Variants in PRORP observed in about 807,000 individuals in gnomAD.
PRORP encodes the protein mitochondrial ribonuclease P catalytic subunit.
A neutral mutation model predicts 59.4 loss-of-function variants in PRORP; 51 were observed. The observed-to-expected ratio is 0.86, with a 90% CI of 0.69 to 1.08. The LOEUF (loss-of-function observed/expected upper bound fraction) is 1.08. PRORP is among the 50% of genes least tolerant of loss of function. PRORP has a pLI of 0.00. For missense variants in PRORP, 646 were observed against 690.3 expected (o/e 0.94, Z 0.72); for synonymous variants, 231 against 245.6 (o/e 0.94, Z 0.55).
chr14:35,204,741 T>C (rs981346118), intron 5 of PRORP, among the ~76,000 whole-genome samples: 28 of 152,234 alleles, frequency 1.8e-4, no homozygotes, highest in Admixed American at 1.6e-3. Context: ...GTAACATTTC[T>C]TAGATTTCTC....
At chr14:35,267,640 G>A (rs940301688) in intron 6 of PRORP, among the ~76,000 whole-genome samples, 2 of 152,080 alleles carry the variant, frequency 1.3e-5, no homozygotes, top group Non-Finnish European at 1.5e-5. Context: ...AATTAACCGG[G>A]CATGGTGGCG....
chr14:35,156,995 G>A (rs1378988418), intron 4 of PRORP, among the ~76,000 whole-genome samples: 2 of 132,748 alleles, frequency 1.5e-5, no homozygotes, highest in African/African-American at 5.8e-5. Flanking sequence ...TTGCTCTGTC[G>A]CCCAGGCGGG....
intron 5 of PRORP, among the ~76,000 whole-genome samples, chr14:35,181,799 A>AG (rs2048616596): frequency 6.6e-6 from 1 of 151,376 alleles, no homozygotes; most frequent in African/African-American, 2.4e-5. Context: ...AAAAAAAAAA[A>AG]AAGTAATGAT....
At chr14:35,208,853 T>C (rs1566498226) in intron 5 of PRORP, among the ~76,000 whole-genome samples, 1 of 151,992 alleles carries the variant, frequency 6.6e-6, no homozygotes, top group Non-Finnish European at 1.5e-5. Context: ...CTACTAAAAA[T>C]ACAAAAATTA....
In PRORP at chr14:35,247,522, C is replaced by T. The variant is rs144155482; in HGVS notation, c.1276-19205C>T. On this transcript the variant is annotated intron_variant, in intron 5 of 7. Transcript: ENST00000534898. ...GCCATGGCCAGGCTACACAAGTTTT[C>T]AAGCTTCTGAACTCCCCACTCATCT... Among the ~76,000 whole-genome samples the T allele has an allele frequency of 3.3e-3, 510 of 152,292 alleles. 6 individuals carry two copies. Among genetic ancestry groups the T allele is most frequent in the East Asian group, 0.027 (142 of 5,174 alleles).
intron 4 of PRORP, among the ~76,000 whole-genome samples, chr14:35,128,213 A>G (rs2047145456): frequency 6.6e-6 from 1 of 151,504 alleles, no homozygotes; most frequent in South Asian, 2.1e-4. Context: ...TGAATTTGGT[A>G]TGCTAGTATT....
At chr14:35,175,789 AGTGTTTTAGACATGAAGTC>A in intron 4 of PRORP, among the ~76,000 whole-genome samples, 2 of 152,090 alleles carry the variant, frequency 1.3e-5, no homozygotes, top group Middle Eastern at 6.8e-3. Flanking sequence ...CATTGCTTTT[AGTGTTTTAGACATGAAGTC>A]CTTGCCCATG....
chr14:35,137,891 C>G (rs1205273346), intron 4 of PRORP, among the ~76,000 whole-genome samples: 1 of 145,606 alleles, frequency 6.9e-6, no homozygotes, highest in Non-Finnish European at 1.5e-5. Context: ...GACTGGTTGT[C>G]TCTTCGTGCA....
At chr14:35,262,747 C>T in intron 5 of PRORP, 15 of 988,404 alleles carry the variant, frequency 1.5e-5, no homozygotes, top group Non-Finnish European at 2.3e-5. Flanking sequence ...TCTGTGTATG[C>T]TCACTTCCCC....
chr14:35,237,060 T>TCCTTCCTTTCCTTCCCTG (rs1279951809), intron 5 of PRORP, among the ~76,000 whole-genome samples: 4 of 142,644 alleles, frequency 2.8e-5, no homozygotes. Context: ...TTCCTTCCCT[T>TCCTTCCTTTCCTTCCCTG]CCTTCCTTTC....
At chr14:35,266,968 G>A in intron 6 of PRORP, 93 bp downstream of exon 6, 1 of 1,203,520 alleles carries the variant, frequency 8.3e-7, no homozygotes, top group Admixed American at 2.2e-5. Flanking sequence ...TTAAATGCAT[G>A]TGTATGTGTA....
intron 4 of PRORP, among the ~76,000 whole-genome samples, chr14:35,134,458 T>G (rs944162599): frequency 6.6e-6 from 1 of 152,150 alleles, no homozygotes; most frequent in African/African-American, 2.4e-5. Context: ...TACCTGGATA[T>G]TGCTGCTGCT....
At chr14:35,148,771 T>C (rs2047670389) in intron 4 of PRORP, among the ~76,000 whole-genome samples, 2 of 152,198 alleles carry the variant, frequency 1.3e-5, no homozygotes, top group South Asian at 4.1e-4. Flanking sequence ...CCTTCATCAG[T>C]GATCTTAGAT....
chr14:35,261,881 T>G lies in PRORP; in HGVS notation c.1276-4846T>G, dbSNP rs772634243. Reference sequence around the variant, plus strand: ...GCTTTTATGCTGCACACTCATCTTTTTCCCTGTGTCTTTCAATTATTCTCC... The same window carrying G: ...GCTTTTATGCTGCACACTCATCTTTGTCCCTGTGTCTTTCAATTATTCTCC... On this transcript the variant is annotated intron_variant, in intron 5 of 7. Coordinates refer to ENST00000534898, the MANE Select transcript of PRORP (RefSeq NM_014672.4). Among the ~76,000 whole-genome samples, 4 of 152,338 alleles carry G rather than the reference T, an allele frequency of 2.6e-5. No individual in the cohort carries two copies. The Middle Eastern group carries it at 0.01, about 389-fold the overall frequency.
In PRORP at chr14:35,274,032, T is replaced by G. The variant is rs1355558171; in HGVS notation, c.*466T>G. On this transcript the variant is annotated 3_prime_UTR_variant, in exon 8 of 8. Transcript: ENST00000534898. The stretch of plus-strand genomic sequence containing the variant: ...TGCCCTATCCACATGGAATCATTTA[T>G]CGTCCTCTGTAATAAACTGGCCAAG... 6.6e-6 allele frequency: 1 copy of G among 152,526 alleles called. No homozygotes were observed. Among genetic ancestry groups the G allele is most frequent in the African/African-American group, 2.4e-5 (1 of 41,484 alleles). 9.4% of individuals were successfully genotyped at this position (152,526 alleles called of 1,614,324 possible).
rs1475551496 is a variant in PRORP, at chr14:35,198,553, C to G, written c.1275+17776C>G. 2.6e-5 allele frequency among the ~76,000 whole-genome samples: 4 copies of G among 152,314 alleles called. No individual in the cohort carries two copies. The South Asian group carries it at 8.3e-4, about 32-fold the overall frequency. On this transcript the variant is annotated intron_variant, in intron 5 of 7. Transcript: ENST00000534898. ...TTAAGCTGATTTTTTCACTTCAGAT[C>G]CATGGTAATCCACAGCAGGGCTAGA...
intron 5 of PRORP, among the ~76,000 whole-genome samples, chr14:35,241,157 C>T (rs1160041920): frequency 6.6e-6 from 1 of 152,158 alleles, no homozygotes; most frequent in Admixed American, 6.5e-5. Flanking sequence ...GCGGGAGCAT[C>T]ACTTGAGGTC....
At chr14:35,201,063 G>A (rs1380483458) in intron 5 of PRORP, among the ~76,000 whole-genome samples, 1 of 152,054 alleles carries the variant, frequency 6.6e-6, no homozygotes, top group African/African-American at 2.4e-5. Flanking sequence ...TCCCTCAATT[G>A]GGATTTTTAT....
intron 4 of PRORP, among the ~76,000 whole-genome samples, chr14:35,136,989 A>G (rs2047390513): frequency 6.9e-6 from 1 of 145,768 alleles, no homozygotes; most frequent in Non-Finnish European, 1.5e-5. Flanking sequence ...GCAATACACT[A>G]GAGATTTGTT....
Sources: allele counts gnomAD v4.1 joint callset (sites outside exome capture counted in the v4.1 genomes callset), GRCh38; gene constraint gnomAD v4.1.1; transcripts MANE v1.5; gene names NCBI Gene and HGNC (gene_info 2026-07-23, HGNC 2026-07-21).